TMEM268: variants seen among roughly 807,000 people sequenced by gnomAD.
TMEM268 encodes the protein transmembrane protein 268, also known as transmembrane protein C9orf91.
TMEM268 carries 24 observed loss-of-function variants against 39.1 expected under a neutral mutation model. The ratio of observed to expected loss-of-function variants is 0.61; its 90% confidence interval spans 0.44 to 0.86. TMEM268 has a LOEUF of 0.86. Among genes scored for constraint, TMEM268 ranks in the 40% least tolerant of loss-of-function variants. The pLI is 0.00. For synonymous variants in TMEM268, 176 were observed against 173.5 expected (o/e 1.01, Z -0.12); for missense variants, 409 against 428.6 (o/e 0.95, Z 0.40).
At chr9:114,636,831 A>G (rs112261359) in intron 6 of TMEM268, among the ~76,000 whole-genome samples, 159 bp from the exon 7 acceptor site, 140 of 152,324 alleles carry the variant, frequency 9.2e-4, no homozygotes, top group African/African-American at 3.2e-3. Context: ...ACGTGCACAC[A>G]AAGCCATTTT....
Position 114,633,665 on chromosome 9 carries a change from C to T in TMEM268, c.475-103C>T. 5.2e-6 allele frequency: 3 copies of T among 573,312 alleles called. 1 individual carries two copies. The South Asian group carries it at 7.3e-5, about 14-fold the overall frequency. The allele number at this position is 573,312 out of a possible 1,614,324, so 35.5% of individuals were successfully genotyped here. ...GGACAGTCCTGAGGGTGGGGATTGT[C>T]CCTTGGCATCTGGGGGTGGGATGGT... On this transcript the variant is annotated intron_variant, in intron 5 of 8. Coordinates refer to ENST00000288502, the MANE Select transcript of TMEM268 (RefSeq NM_153045.4).
At chr9:114,634,876 G>T (rs971598584) in intron 6 of TMEM268, among the ~76,000 whole-genome samples, 1 of 152,200 alleles carries the variant, frequency 6.6e-6, no homozygotes, top group Non-Finnish European at 1.5e-5. Flanking sequence ...TATCATTGGA[G>T]TGAAGCAGAT....
intron 3 of TMEM268, among the ~76,000 whole-genome samples, chr9:114,624,701 G>A (rs1398152985): frequency 1.3e-5 from 2 of 152,216 alleles, no homozygotes; most frequent in Non-Finnish European, 2.9e-5. Flanking sequence ...AAACATAATA[G>A]GGGTGGACAG....
At chr9:114,631,439 C>T (rs1846395036) in intron 5 of TMEM268, among the ~76,000 whole-genome samples, 1 of 152,196 alleles carries the variant, frequency 6.6e-6, no homozygotes, top group African/African-American at 2.4e-5. Context: ...CTGTCATCCT[C>T]ACTGTGATAT....
At chr9:114,628,011 C>A in intron 4 of TMEM268, 90 bp from the exon 5 acceptor site, 1 of 1,391,066 alleles carries the variant, frequency 7.2e-7, no homozygotes, top group Non-Finnish European at 1.0e-6. Flanking sequence ...AGGAGGGTAT[C>A]AGTAGTGTCT....
intron 2 of TMEM268, among the ~76,000 whole-genome samples, chr9:114,618,089 C>G (rs1290992677): frequency 6.6e-6 from 1 of 151,974 alleles, no homozygotes; most frequent in Non-Finnish European, 1.5e-5. Context: ...CTTGGCCAGG[C>G]TGGTCTCGAA....
intron 1 of TMEM268, 45 bp from the exon 2 acceptor site, chr9:114,617,073 G>T: frequency 3.2e-6 from 2 of 633,572 alleles, no homozygotes; most frequent in Non-Finnish European, 5.4e-6. Context: ...ACCCCGGCTT[G>T]CCCAGGCTCA....
At chr9:114,611,718 G>A (rs1480408228) in intron 1 of TMEM268, among the ~76,000 whole-genome samples, 154 bp downstream of exon 1, 1 of 152,136 alleles carries the variant, frequency 6.6e-6, no homozygotes, top group East Asian at 1.9e-4. Context: ...GCCTGCGGGG[G>A]GTCCTTCGTG....
chr9:114,626,839 C>T, intron 3 of TMEM268, 60 bp from the exon 4 acceptor site: 7 of 1,266,256 alleles, frequency 5.5e-6, no homozygotes, highest in Non-Finnish European at 8.0e-6. Flanking sequence ...ATGATAGTCA[C>T]ATGCACTGGA....
At chr9:114,631,002 T>A (rs1846369768) in intron 5 of TMEM268, among the ~76,000 whole-genome samples, 1 of 152,174 alleles carries the variant, frequency 6.6e-6, no homozygotes. Context: ...TTTGGCTCAC[T>A]GTTAGCCTTT....
chr9:114,616,357 GTTTGTT>G (rs200337281), intron 1 of TMEM268, among the ~76,000 whole-genome samples: 2,367 of 141,998 alleles, frequency 0.017, 68 homozygotes, highest in African/African-American at 0.056. Flanking sequence ...TTGTTTGTTT[GTTTGTT>G]TTTGTTTTTG....
At chr9:114,639,431 C>T (rs1481047140) in intron 8 of TMEM268, among the ~76,000 whole-genome samples, 1 of 152,160 alleles carries the variant, frequency 6.6e-6, no homozygotes, top group African/African-American at 2.4e-5. Context: ...TCAGTTCCTG[C>T]AGCCCCAGAG....
upstream of TMEM268, among the ~76,000 whole-genome samples, chr9:114,609,730 AG>A (rs1845420174): frequency 9.4e-6 from 1 of 106,012 alleles, no homozygotes; most frequent in Non-Finnish European, 1.8e-5. Flanking sequence ...AAAAAGAAAA[AG>A]AAGGAAGGAA....
intron 1 of TMEM268, among the ~76,000 whole-genome samples, chr9:114,615,187 G>C (rs1305889992): frequency 6.6e-6 from 1 of 152,114 alleles, no homozygotes; most frequent in Non-Finnish European, 1.5e-5. Context: ...GTGAGCCACC[G>C]TGCTGGGTGG....
rs181667954 is a variant in TMEM268, at chr9:114,620,448, C to T, written c.106+3147C>T. Reference sequence around the variant, plus strand: ...TTTTTGTAGAGACGGGGTTTTTCACCATGTTGCCCGGGTTGATCTCAACCT... The same window carrying T: ...TTTTTGTAGAGACGGGGTTTTTCACTATGTTGCCCGGGTTGATCTCAACCT... On this transcript the variant is annotated intron_variant, in intron 2 of 8. Coordinates refer to ENST00000288502, the MANE Select transcript of TMEM268 (RefSeq NM_153045.4). Among the ~76,000 whole-genome samples, 9 of 152,040 alleles carry T rather than the reference C, an allele frequency of 5.9e-5. No individual in the cohort carries two copies. The East Asian group carries it at 1.7e-3, about 29-fold the overall frequency.
At chr9:114,633,915 AGTTTT>A in intron 6 of TMEM268, 37 bp downstream of exon 6, 1 of 1,265,358 alleles carries the variant, frequency 7.9e-7, no homozygotes, top group Non-Finnish European at 1.1e-6. Flanking sequence ...CTGATGGCCC[AGTTTT>A]ATGTTGGGCT....
rs35134692 is a variant in TMEM268 at position 114,633,840 on chromosome 9, G to T, written c.547G>T (p.Val183Leu). Reference sequence around the variant, plus strand: ...CCTGAGACACCGGGTGCTGCTGGGGGTGACAGACACAGTGGAAGGATGCCA... The same window carrying T: ...CCTGAGACACCGGGTGCTGCTGGGGTTGACAGACACAGTGGAAGGATGCCA... ...ALLRHRVLLG[V>L]TDTVEGCQSV... is the part of the protein sequence containing the mutation. Residue 183 changes from valine (V) to leucine (L), a missense_variant, in exon 6 of 9, where the codon GTG becomes TTG. Transcript: ENST00000288502. The T allele has an allele frequency of 1.8e-5, 29 of 1,606,702 alleles. No individual in the cohort carries two copies. The highest frequency in any genetic ancestry group is 2.4e-5 in the Non-Finnish European group (28 of 1,176,550).
chr9:114,641,171 C>T (rs185770134), intron 8 of TMEM268, among the ~76,000 whole-genome samples: 22 of 152,218 alleles, frequency 1.4e-4, no homozygotes, highest in East Asian at 1.4e-3. Flanking sequence ...CCACCGCGCC[C>T]GGCCTCTATT....
chr9:114,629,453 C>T (rs571692772), intron 5 of TMEM268, among the ~76,000 whole-genome samples: 2 of 152,328 alleles, frequency 1.3e-5, no homozygotes, highest in East Asian at 3.9e-4. Flanking sequence ...CTTTTGCCTC[C>T]CTCTTCTACT....
Sources: gnomAD v4.1 joint callset for allele counts (sites outside exome capture counted in the v4.1 genomes callset) on GRCh38, gnomAD v4.1.1 for gene constraint, MANE v1.5 for transcripts, NCBI Gene and HGNC (gene_info 2026-07-23, HGNC 2026-07-21) for gene names.